MCU: variants seen among roughly 807,000 people sequenced by gnomAD.
The protein encoded by MCU is mitochondrial calcium uniporter.
MCU carries 12 observed loss-of-function variants against 45.2 expected under a neutral mutation model. That is an observed-to-expected ratio of 0.27 (90% CI 0.17 to 0.43). The LOEUF (loss-of-function observed/expected upper bound fraction) is 0.43. Among genes scored for constraint, MCU ranks in the 20% least tolerant of loss-of-function variants. MCU has a pLI of 1.00. For synonymous variants in MCU, 160 were observed against 165.1 expected (o/e 0.97, Z 0.24); for missense variants, 324 against 436.7 (o/e 0.74, Z 2.30).
chr10:72,815,819 A>G (rs536611318), intron 1 of MCU, among the ~76,000 whole-genome samples: 1 of 152,358 alleles, frequency 6.6e-6, no homozygotes, highest in African/African-American at 2.4e-5. Flanking sequence ...AATTCATTTC[A>G]TTACAGAGCT....
intron 1 of MCU, among the ~76,000 whole-genome samples, chr10:72,714,479 C>T (rs1842935006): frequency 6.6e-6 from 1 of 151,106 alleles, no homozygotes. Flanking sequence ...AGGCCCACAC[C>T]ACCACACCCA....
At chr10:72,726,245 A>AGG (rs1248169681) in intron 1 of MCU, among the ~76,000 whole-genome samples, 7 of 91,440 alleles carry the variant, frequency 7.7e-5, no homozygotes, top group African/African-American at 2.6e-4. Context: ...TACTTCAGGC[A>AGG]CACACACACA....
chr10:72,846,213 T>C (rs975800410), intron 2 of MCU, among the ~76,000 whole-genome samples: 2 of 152,140 alleles, frequency 1.3e-5, no homozygotes, highest in African/African-American at 2.4e-5. Flanking sequence ...CAGCTAATAT[T>C]TGTATTTTCA....
chr10:72,768,827 T>C (rs1843765216), intron 1 of MCU, among the ~76,000 whole-genome samples: 1 of 152,102 alleles, frequency 6.6e-6, no homozygotes, highest in African/African-American at 2.4e-5. Context: ...GGAGTTCTAT[T>C]CCAAGCCGCT....
At chr10:72,696,627 T>G (rs1253079928) in intron 1 of MCU, among the ~76,000 whole-genome samples, 1 of 152,200 alleles carries the variant, frequency 6.6e-6, no homozygotes, top group Non-Finnish European at 1.5e-5. Flanking sequence ...TTTGTGGGCA[T>G]CTAATCTTAA....
chr10:72,777,526 C>T (rs1395766069), intron 1 of MCU, among the ~76,000 whole-genome samples: 1 of 152,196 alleles, frequency 6.6e-6, no homozygotes, highest in Non-Finnish European at 1.5e-5. Context: ...CCCTAACTCT[C>T]TCCATTCACA....
In MCU at chr10:72,692,177, T is replaced by G. The variant is rs1200557010; in HGVS notation, c.26T>G (p.Leu9Arg). 12 of 1,283,294 alleles carry G rather than the reference T, an allele frequency of 9.4e-6. No homozygotes were observed. Among genetic ancestry groups the G allele is most frequent in the Non-Finnish European group, 1.2e-5 (12 of 1,008,138 alleles). 79.5% of individuals were successfully genotyped at this position (1,283,294 alleles called of 1,614,324 possible). The stretch of plus-strand genomic sequence containing the variant: ...ATGGCGGCCGCCGCAGGTAGATCGC[T>G]CCTGCTGCTCCTCTCCTCTCGGGGC... MAAAAGRS[L>R]LLLLSSRGGG... The change falls in exon 1 of 8, where the codon CTC becomes CGC. Residue 9 changes from leucine (L) to arginine (R), a missense_variant. Physicochemically the swap from Leu to Arg is moderately radical, Grantham distance 102 (BLOSUM62 -2). Transcript: ENST00000373053.
intron 1 of MCU, among the ~76,000 whole-genome samples, chr10:72,804,802 GTTGA>G (rs1844405395): frequency 6.6e-6 from 1 of 152,222 alleles, no homozygotes; most frequent in South Asian, 2.1e-4. Flanking sequence ...TTACTTATTG[GTTGA>G]TTGATTGATT....
chr10:72,761,419 T>C (rs760457503), intron 1 of MCU, among the ~76,000 whole-genome samples: 4 of 152,154 alleles, frequency 2.6e-5, no homozygotes, highest in Non-Finnish European at 4.4e-5. Context: ...TCTTGGAAAA[T>C]TTATTCTGAG....
intron 1 of MCU, among the ~76,000 whole-genome samples, chr10:72,740,720 G>C (rs560125914): frequency 6.6e-6 from 1 of 152,240 alleles, no homozygotes; most frequent in African/African-American, 2.4e-5. Context: ...CAAACCAGCA[G>C]GTGCTATGAG....
chr10:72,739,953 G>A (rs1000592163), intron 1 of MCU, among the ~76,000 whole-genome samples: 1 of 151,826 alleles, frequency 6.6e-6, no homozygotes, highest in Non-Finnish European at 1.5e-5. Context: ...AGGGATTACA[G>A]GTGTGAGCCA....
At chr10:72,859,456 T>A in intron 3 of MCU, 109 bp downstream of exon 3, 1 of 1,068,236 alleles carries the variant, frequency 9.4e-7, no homozygotes, top group Non-Finnish European at 1.3e-6. Context: ...CCTATACTGT[T>A]AACTTCAGAA....
intron 1 of MCU, among the ~76,000 whole-genome samples, chr10:72,709,059 A>G (rs1289327085): frequency 1.3e-5 from 2 of 152,124 alleles, no homozygotes; most frequent in Non-Finnish European, 2.9e-5. Flanking sequence ...ACCTGGCATG[A>G]TTGGTGGGGG....
At chr10:72,774,859 T>C (rs1179404302) in intron 1 of MCU, among the ~76,000 whole-genome samples, 2 of 152,142 alleles carry the variant, frequency 1.3e-5, no homozygotes, top group Non-Finnish European at 2.9e-5. Context: ...AATTATATTA[T>C]AAATGTCTAT....
intron 2 of MCU, among the ~76,000 whole-genome samples, chr10:72,841,962 G>T (rs929423821): frequency 6.6e-5 from 10 of 152,170 alleles, no homozygotes; most frequent in Non-Finnish European, 1.2e-4. Flanking sequence ...GATATTTCGG[G>T]CTTTATGAAT....
chr10:72,700,048 T>A (rs1842737936), intron 1 of MCU, among the ~76,000 whole-genome samples: 1 of 147,936 alleles, frequency 6.8e-6, no homozygotes, highest in African/African-American at 2.5e-5. Flanking sequence ...AAAAAGTGGA[T>A]TGGGGTCAAA....
chr10:72,711,157 A>T (rs1842888637), intron 1 of MCU, among the ~76,000 whole-genome samples: 1 of 151,992 alleles, frequency 6.6e-6, no homozygotes, highest in African/African-American at 2.4e-5. Flanking sequence ...CTACCTGGCA[A>T]CAAGAGCGAA....
At chr10:72,825,025 G>A (rs1012831577) in intron 1 of MCU, among the ~76,000 whole-genome samples, 1 of 152,026 alleles carries the variant, frequency 6.6e-6, no homozygotes, top group African/African-American at 2.4e-5. Context: ...TAGCAACATG[G>A]GAGTGTACAT....
intron 1 of MCU, among the ~76,000 whole-genome samples, chr10:72,776,935 AAAAG>A (rs1399819697): frequency 6.6e-6 from 1 of 152,220 alleles, no homozygotes; most frequent in Non-Finnish European, 1.5e-5. Flanking sequence ...AACAATCTGA[AAAAG>A]AAATCAAGAA....
Sources: allele counts gnomAD v4.1 joint callset (sites outside exome capture counted in the v4.1 genomes callset), GRCh38; gene constraint gnomAD v4.1.1; transcripts MANE v1.5; gene names NCBI Gene and HGNC (gene_info 2026-07-23, HGNC 2026-07-21).